SHROOM4: variants seen among roughly 807,000 people sequenced by gnomAD.
SHROOM4 encodes the protein protein Shroom4.
A neutral mutation model predicts 80.3 loss-of-function variants in SHROOM4; 17 were observed. That is an observed-to-expected ratio of 0.21 (90% CI 0.14 to 0.32). SHROOM4 has a LOEUF of 0.32. SHROOM4 is among the 10% of genes least tolerant of loss of function. The probability of loss-of-function intolerance (pLI) is 1.00; values close to 1 mark genes in which losing one functional copy is unlikely to be tolerated. For missense variants in SHROOM4, 993 were observed against 1,140.3 expected, an observed-to-expected ratio of 0.87 and a Z score of 1.86; for synonymous variants, 400 against 437.5, an observed-to-expected ratio of 0.91 and a Z score of 1.07.
Position 50,634,859 on chromosome X carries a change from G to T in SHROOM4, c.1214C>A (p.Pro405His), listed in dbSNP as rs781938996. 5.0e-6 allele frequency: 6 copies of T among 1,205,168 alleles called. No individual in the cohort carries two copies. The Admixed American group carries it at 6.6e-5, about 13-fold the overall frequency. ...SFGRPPHLIG[P>H]TGHRHSAPEQ... ...AGGGGCACTATGGCGATGCCCTGTG[G>T]GTCCTATGAGATGTGGAGGTCTGCC... The change falls in exon 4 of 9, where the codon CCC becomes CAC. Residue 405 changes from proline to histidine, a missense_variant. Physicochemically the swap from Pro to His is moderately conservative, Grantham distance 77. Transcript: ENST00000376020.
At chrX:50,803,263 G>C (rs1242182932) in intron 1 of SHROOM4, among the ~76,000 whole-genome samples, 1 of 112,769 alleles carries the variant, frequency 8.9e-6, no homozygotes, top group African/African-American at 3.2e-5. Context: ...TAAAGTATTT[G>C]TTAGAAAACA....
At chrX:50,613,753 G>A (rs1930099167) in intron 5 of SHROOM4, among the ~76,000 whole-genome samples, 1 of 112,065 alleles carries the variant, frequency 8.9e-6, no homozygotes, top group Admixed American at 9.5e-5. Flanking sequence ...AAACTTAATA[G>A]AAACTCAATA....
At chrX:50,610,350 TCTCA>T (rs1280718170) in intron 5 of SHROOM4, among the ~76,000 whole-genome samples, 72 of 64,464 alleles carry the variant, frequency 1.1e-3, no homozygotes, top group African/African-American at 3.5e-3. Flanking sequence ...TCTCTCTCTC[TCTCA>T]CACACACACA....
chrX:50,736,342 A>G (rs782052062), intron 1 of SHROOM4, among the ~76,000 whole-genome samples: 1 of 110,898 alleles, frequency 9.0e-6, no homozygotes, highest in Non-Finnish European at 1.9e-5. Flanking sequence ...TGCTGCACCT[A>G]TCAACCCATC....
At chrX:50,705,446 C>T (rs1197970351) in intron 1 of SHROOM4, among the ~76,000 whole-genome samples, 4 of 111,567 alleles carry the variant, frequency 3.6e-5, no homozygotes, top group African/African-American at 1.3e-4. Context: ...GAACGCCATT[C>T]TCTCTGACAT....
At chrX:50,785,646 A>C (rs1935724027) in intron 1 of SHROOM4, among the ~76,000 whole-genome samples, 1 of 111,780 alleles carries the variant, frequency 8.9e-6, no homozygotes, top group African/African-American at 3.3e-5. Context: ...TAGAAAGCAC[A>C]TCAATGGTTG....
intron 1 of SHROOM4, among the ~76,000 whole-genome samples, chrX:50,735,576 G>T: frequency 9.0e-6 from 1 of 110,880 alleles, no homozygotes; most frequent in Admixed American, 9.6e-5. Flanking sequence ...TCTGATAAGG[G>T]ATAGTATCTG....
intron 5 of SHROOM4, among the ~76,000 whole-genome samples, chrX:50,621,811 C>A (rs905635422): frequency 3.6e-5 from 4 of 111,670 alleles, no homozygotes; most frequent in Non-Finnish European, 5.6e-5. Context: ...TACCCATATT[C>A]TTTCACTCAA....
chrX:50,633,196 G>A lies in SHROOM4; in HGVS notation c.2877C>T (p.Pro959=), dbSNP rs1931141849. The A allele has an allele frequency of 8.3e-7, 1 of 1,209,152 alleles. No individual in the cohort carries two copies. The highest frequency in any genetic ancestry group is 1.7e-5 in the African/African-American group (1 of 57,181). Reference sequence around the variant, plus strand: ...TCCTCACCTGCACTGTCAGCTTCCTGGGTTTCCAAGTGTTGCCAGGTGCCA... The same window carrying A: ...TCCTCACCTGCACTGTCAGCTTCCTAGGTTTCCAAGTGTTGCCAGGTGCCA... The part of the protein sequence containing the change: ...SSLAPGNTWK[P]RKLTVQEFPG... Residue 959 remains proline (P), a synonymous_variant, in exon 4 of 9, where the codon CCC becomes CCT. Transcript: ENST00000376020.
intron 1 of SHROOM4, among the ~76,000 whole-genome samples, chrX:50,779,687 G>C (rs1242861264): frequency 1.8e-5 from 2 of 111,636 alleles, no homozygotes; most frequent in East Asian, 5.6e-4. Context: ...GAAGAAGAGA[G>C]TCTCGCAATG....
chrX:50,628,358 C>CT (rs782707809), intron 4 of SHROOM4, among the ~76,000 whole-genome samples: 36 of 108,160 alleles, frequency 3.3e-4, no homozygotes, highest in African/African-American at 4.7e-4. Context: ...CCAAGCAACT[C>CT]TTTTTTTTTT....
At chrX:50,741,270 C>T (rs1557267190) in intron 1 of SHROOM4, among the ~76,000 whole-genome samples, 1 of 110,263 alleles carries the variant, frequency 9.1e-6, no homozygotes, top group Non-Finnish European at 1.9e-5. Flanking sequence ...ATGGTGGTTA[C>T]TAGAGGCTGA....
At chrX:50,765,726 G>A (rs1216507731) in intron 1 of SHROOM4, among the ~76,000 whole-genome samples, 1 of 111,903 alleles carries the variant, frequency 8.9e-6, no homozygotes, top group East Asian at 2.8e-4. Flanking sequence ...TAAACTGTCT[G>A]GCAAACAGAT....
intron 6 of SHROOM4, 35 bp from the exon 7 acceptor site, chrX:50,602,848 T>C (rs782228458): frequency 1.7e-6 from 2 of 1,149,453 alleles, no homozygotes; most frequent in Admixed American, 2.2e-5. Flanking sequence ...TGAGCACCTC[T>C]GTTGAGAGGC....
intron 5 of SHROOM4, among the ~76,000 whole-genome samples, chrX:50,610,760 G>A (rs1602364206): frequency 8.9e-6 from 1 of 111,820 alleles, no homozygotes; most frequent in Admixed American, 9.5e-5. Context: ...AAGGCAAAAT[G>A]CAATAAATAA....
At chrX:50,645,320 C>T (rs894641895) in intron 2 of SHROOM4, among the ~76,000 whole-genome samples, 4 of 112,060 alleles carry the variant, frequency 3.6e-5, no homozygotes, top group Non-Finnish European at 5.6e-5. Context: ...GGTGTCCGGC[C>T]GCCCTTGCTC....
intron 1 of SHROOM4, among the ~76,000 whole-genome samples, chrX:50,799,777 A>C (rs1936082336): frequency 8.9e-6 from 1 of 111,944 alleles, no homozygotes; most frequent in Non-Finnish European, 1.9e-5. Flanking sequence ...CTTGAGTTTC[A>C]CTGAAGACAC....
At position 50,695,924 on chromosome X, in the gene SHROOM4, C is replaced by T; in HGVS notation, c.131G>A (p.Gly44Asp). ...PLTVSKIEDG[G>D]KAALSQKMRT... ...CATCTTCTGGGACAAAGCTGCCTTG[C>T]CTCCATCTTCAATCTGTGTTGCAGA... Residue 44 changes from glycine (G) to aspartate (D), a missense_variant, in exon 2 of 9, where the codon GGC (glycine) becomes GAC (aspartate). Physicochemically the swap from Gly to Asp is moderately conservative, Grantham distance 94. Coordinates refer to ENST00000376020, the MANE Select transcript of SHROOM4 (RefSeq NM_020717.5). The T allele has an allele frequency of 8.3e-7, 1 of 1,211,810 alleles. No homozygotes were observed. Among genetic ancestry groups the T allele is most frequent in the African/African-American group, 1.7e-5 (1 of 57,868 alleles).
At chrX:50,751,965 C>T (rs1004160559) in intron 1 of SHROOM4, among the ~76,000 whole-genome samples, 1 of 112,110 alleles carries the variant, frequency 8.9e-6, no homozygotes, top group South Asian at 3.7e-4. Context: ...GAATATGTAA[C>T]GTGCCTGGCA....
Sources: gnomAD v4.1 joint callset for allele counts (sites outside exome capture counted in the v4.1 genomes callset) on GRCh38, gnomAD v4.1.1 for gene constraint, MANE v1.5 for transcripts, NCBI Gene and HGNC (gene_info 2026-07-23, HGNC 2026-07-21) for gene names.